Variants in MGLL observed in about 807,000 individuals in gnomAD.
MGLL encodes the protein lysophospholipase homolog.
A neutral mutation model predicts 29.1 loss-of-function variants in MGLL; 7 were observed. The ratio of observed to expected loss-of-function variants is 0.24; its 90% CI spans 0.14 to 0.45. The LOEUF (loss-of-function observed/expected upper bound fraction) is 0.45, where lower values mean the gene tolerates loss of function less well. Ranked by LOEUF, MGLL falls within the 20% of genes least tolerant of loss-of-function variation. The pLI is 0.99. For missense variants in MGLL, 356 were observed against 413.6 expected (o/e 0.86, Z 1.21); for synonymous variants, 148 against 168.3 (o/e 0.88, Z 0.93).
intron 3 of MGLL, among the ~76,000 whole-genome samples, chr3:127,734,739 C>T (rs2076214685): frequency 1.3e-5 from 2 of 152,364 alleles, no homozygotes; most frequent in South Asian, 2.1e-4. Context: ...TTCCCCTCAG[C>T]CCAGCAAATG....
intron 3 of MGLL, among the ~76,000 whole-genome samples, chr3:127,723,137 T>G (rs1381362424): frequency 6.6e-6 from 1 of 152,228 alleles, no homozygotes; most frequent in African/African-American, 2.4e-5. Flanking sequence ...CTAGGTCACA[T>G]TCTCTCCCTC....
At chr3:127,773,962 C>G (rs1345929505) in intron 3 of MGLL, among the ~76,000 whole-genome samples, 1 of 152,220 alleles carries the variant, frequency 6.6e-6, no homozygotes, top group East Asian at 1.9e-4. Context: ...TCCCCACACT[C>G]CCTGACTTCG....
intron 3 of MGLL, among the ~76,000 whole-genome samples, chr3:127,747,013 C>T (rs553063177): frequency 3.3e-5 from 5 of 152,332 alleles, no homozygotes; most frequent in African/African-American, 1.2e-4. Context: ...ATGGAGCCAC[C>T]TGAGGTCACA....
chr3:127,807,847 C>T (rs1169326866), intron 2 of MGLL, among the ~76,000 whole-genome samples: 3 of 147,500 alleles, frequency 2.0e-5, no homozygotes, highest in Non-Finnish European at 3.0e-5. Flanking sequence ...CTGCAAGCTC[C>T]GCCTCCTGGG....
rs558266985 is a variant in MGLL, at chr3:127,745,939, A to G, written c.263-23373T>C. Among the ~76,000 whole-genome samples, 16 of 152,314 alleles carry G rather than the reference A, an allele frequency of 1.1e-4. No homozygotes were observed. In the East Asian group the frequency reaches 3.1e-3, roughly 29 times the overall value. On this transcript the variant is annotated intron_variant, in intron 3 of 7. Coordinates refer to ENST00000265052, the MANE Select transcript of MGLL (RefSeq NM_007283.7). The stretch of plus-strand genomic sequence containing the variant: ...GACCCTTCACAAGACTGGCGCTGGA[A>G]CTTTACATTTTTGTGCACCATGTTA...
chr3:127,722,458 A>C lies in MGLL; in HGVS notation c.371T>G (p.Leu124Arg), dbSNP rs1161473547. 3.7e-6 allele frequency: 6 copies of C among 1,614,144 alleles called. No individual in the cohort carries two copies. The highest frequency in any genetic ancestry group is 3.3e-4 in the Middle Eastern group (2 of 6,084). The change falls in exon 4 of 8, where the codon CTT becomes CGT. Residue 124 changes from leucine (L) to arginine (R), a missense_variant. By Grantham distance (102) the Leu-to-Arg change is moderately radical. Transcript: ENST00000265052. ...GGAGTGGCCCAGAAGGAAGACAGGA[A>C]GCCCAGGGTAGTCTTTCTGCATGGA... The part of the protein sequence containing the change: ...VDSMQKDYPG[L>R]PVFLLGHSMG...
At chr3:127,756,197 G>T (rs965525606) in intron 3 of MGLL, among the ~76,000 whole-genome samples, 4 of 152,216 alleles carry the variant, frequency 2.6e-5, no homozygotes, top group African/African-American at 9.6e-5. Context: ...TTGGTTTCTT[G>T]ATAAAATAAT....
At chr3:127,775,053 A>T (rs2077010505) in intron 3 of MGLL, among the ~76,000 whole-genome samples, 1 of 152,170 alleles carries the variant, frequency 6.6e-6, no homozygotes, top group South Asian at 2.1e-4. Flanking sequence ...GGCTTTCATC[A>T]AAGGTAGAGC....
chr3:127,761,491 G>A lies in MGLL; in HGVS notation c.262+20298C>T, dbSNP rs565383696. 9.2e-5 allele frequency among the ~76,000 whole-genome samples: 14 copies of A among 152,352 alleles called. No individual in the cohort carries two copies. Among genetic ancestry groups the A allele is most frequent in the African/African-American group, 3.4e-4 (14 of 41,570 alleles). Reference sequence around the variant, plus strand: ...AGCCACAGAACACTCAGAGACAGCAGTCAAAGAGGCCACTTCTGCACTGCC... The same window carrying A: ...AGCCACAGAACACTCAGAGACAGCAATCAAAGAGGCCACTTCTGCACTGCC... On this transcript the variant is annotated intron_variant, in intron 3 of 7. Transcript: ENST00000265052. This position sits in a 1 kb window ranked among gnomAD's most constrained non-coding sequence, Gnocchi z 4.6.
intron 3 of MGLL, among the ~76,000 whole-genome samples, chr3:127,728,807 C>T (rs2076093632): frequency 6.6e-6 from 1 of 152,210 alleles, no homozygotes; most frequent in South Asian, 2.1e-4. Flanking sequence ...CCAAATTCCC[C>T]TCCATGTGGG....
chr3:127,817,659 G>A (rs1576325965), intron 2 of MGLL, among the ~76,000 whole-genome samples: 1 of 152,244 alleles, frequency 6.6e-6, no homozygotes, highest in East Asian at 1.9e-4. Context: ...GTCATCCAGT[G>A]TCAAATGAGG....
At chr3:127,707,944 C>T (rs967279973) in intron 6 of MGLL, among the ~76,000 whole-genome samples, 7 of 152,174 alleles carry the variant, frequency 4.6e-5, no homozygotes, top group East Asian at 3.9e-4. Flanking sequence ...AGAGCTAACC[C>T]GCTTCCCTTC....
At position 127,725,108 on chromosome 3, in the gene MGLL, C is replaced by T. The variant is rs62270462; in HGVS notation, c.263-2542G>A. Among the ~76,000 whole-genome samples the T allele has an allele frequency of 7.7e-3, 1,167 of 152,048 alleles. 12 individuals carry two copies. The highest frequency in any genetic ancestry group is 9.5e-3 in the Non-Finnish European group (648 of 68,000). On this transcript the variant is annotated intron_variant, in intron 3 of 7. Transcript: ENST00000265052. Reference sequence around the variant, plus strand: ...TCTCTCCAGCCCTGGAGGCTCCGTGCGACCCTCAGCTGAGTCCACCCCAGT... The same window carrying T: ...TCTCTCCAGCCCTGGAGGCTCCGTGTGACCCTCAGCTGAGTCCACCCCAGT...
chr3:127,750,192 C>T (rs879420679), intron 3 of MGLL, among the ~76,000 whole-genome samples: 4 of 152,156 alleles, frequency 2.6e-5, no homozygotes, highest in South Asian at 2.1e-4. Flanking sequence ...GAGAAAGCTA[C>T]TTCTGTGTCC....
intron 3 of MGLL, among the ~76,000 whole-genome samples, chr3:127,770,950 A>G (rs1025412029): frequency 1.3e-5 from 2 of 152,086 alleles, no homozygotes; most frequent in Non-Finnish European, 2.9e-5. Context: ...CTGGGAGCCC[A>G]GGAAAGGCTA....
At chr3:127,784,467 G>A (rs1203073953) in intron 2 of MGLL, among the ~76,000 whole-genome samples, 1 of 152,152 alleles carries the variant, frequency 6.6e-6, no homozygotes, top group Non-Finnish European at 1.5e-5. Context: ...CAACCTTAGG[G>A]CCACCAATCT....
intron 3 of MGLL, among the ~76,000 whole-genome samples, chr3:127,730,606 G>C (rs471662): frequency 0.057 from 8,621 of 152,174 alleles, 683 homozygotes; most frequent in East Asian, 0.33. Context: ...GAGAGCTTAG[G>C]GTGGGCAGGG....
At chr3:127,757,671 C>G (rs753558529) in intron 3 of MGLL, among the ~76,000 whole-genome samples, 1 of 152,118 alleles carries the variant, frequency 6.6e-6, no homozygotes, top group Non-Finnish European at 1.5e-5. Flanking sequence ...GAAAAAGCAC[C>G]CAAAGAACCT....
intron 3 of MGLL, among the ~76,000 whole-genome samples, chr3:127,754,381 A>G (rs2076618732): frequency 1.3e-5 from 2 of 152,210 alleles, no homozygotes; most frequent in Non-Finnish European, 1.5e-5. Context: ...AGATCTATCA[A>G]AAGCTCCACA....
Sources: gnomAD v4.1 joint callset for allele counts (sites outside exome capture counted in the v4.1 genomes callset) on GRCh38, gnomAD v4.1.1 for gene constraint, Gnocchi (gnomAD v3.1) non-coding constraint, MANE v1.5 for transcripts, NCBI Gene and HGNC (gene_info 2026-07-23, HGNC 2026-07-21) for gene names.